HS3ST4: variants seen among roughly 807,000 people sequenced by gnomAD.
HS3ST4 encodes the protein heparan sulfate glucosamine 3-O-sulfotransferase 4.
A neutral mutation model predicts 29.2 loss-of-function variants in HS3ST4; 17 were observed. The observed-to-expected ratio is 0.58, with a 90% confidence interval of 0.40 to 0.87. HS3ST4 has a LOEUF of 0.87. Among genes scored for constraint, HS3ST4 ranks in the 40% least tolerant of loss-of-function variants. The probability of loss-of-function intolerance (pLI) is 0.00; values close to 1 mark genes in which losing one functional copy is unlikely to be tolerated. For missense variants in HS3ST4, 627 were observed against 634.5 expected (o/e 0.99, Z 0.13); for synonymous variants, 314 against 285.7 (o/e 1.10, Z -1.00).
At chr16:25,808,661 T>G (rs1380897139) in intron 1 of HS3ST4, among the ~76,000 whole-genome samples, 1 of 152,176 alleles carries the variant, frequency 6.6e-6, no homozygotes, top group East Asian at 1.9e-4. Flanking sequence ...CTTGTGCAGT[T>G]TTTGATAGAA....
intron 1 of HS3ST4, among the ~76,000 whole-genome samples, chr16:25,999,018 AT>A (rs1379821015): frequency 6.6e-6 from 1 of 152,052 alleles, no homozygotes; most frequent in Non-Finnish European, 1.5e-5. Context: ...ATCCTTTCTC[AT>A]TTTTTTGTAA....
chr16:25,985,015 G>A (rs1969048352), intron 1 of HS3ST4, among the ~76,000 whole-genome samples: 1 of 152,190 alleles, frequency 6.6e-6, no homozygotes, highest in Non-Finnish European at 1.5e-5. Context: ...CCATCTTATG[G>A]TAGAAGTAGA....
At chr16:25,999,859 ATATAT>A (rs1430145573) in intron 1 of HS3ST4, among the ~76,000 whole-genome samples, 5 of 133,164 alleles carry the variant, frequency 3.8e-5, no homozygotes, top group South Asian at 4.4e-4. Flanking sequence ...TATATTATAT[ATATAT>A]TATATATTTT....
chr16:25,750,269 A>G (rs991185257), intron 1 of HS3ST4, among the ~76,000 whole-genome samples: 3 of 152,158 alleles, frequency 2.0e-5, no homozygotes, highest in Non-Finnish European at 4.4e-5. Context: ...TTCTTAGAGC[A>G]GCTCAGAGCT....
intron 1 of HS3ST4, among the ~76,000 whole-genome samples, chr16:25,995,669 T>C (rs1387564794): frequency 6.6e-6 from 1 of 152,164 alleles, no homozygotes; most frequent in African/African-American, 2.4e-5. Context: ...AGATGAAATC[T>C]GAGTGTGGAA....
chr16:26,133,148 C>T (rs780411991), intron 1 of HS3ST4, among the ~76,000 whole-genome samples: 20 of 151,492 alleles, frequency 1.3e-4, no homozygotes, highest in Non-Finnish European at 2.4e-4. Context: ...TTTTTCCTTG[C>T]CCTTCTGTAA....
intron 1 of HS3ST4, among the ~76,000 whole-genome samples, chr16:25,796,290 C>T (rs550623512): frequency 6.6e-6 from 1 of 152,244 alleles, no homozygotes; most frequent in African/African-American, 2.4e-5. Flanking sequence ...GGTGAGCATC[C>T]CTTTCTTTTG....
At chr16:25,796,631 C>G (rs758068042) in intron 1 of HS3ST4, among the ~76,000 whole-genome samples, 1 of 152,060 alleles carries the variant, frequency 6.6e-6, no homozygotes, top group South Asian at 2.1e-4. Flanking sequence ...TGGCTTTGCT[C>G]GGGAAGGAAT....
At chr16:26,130,621 C>A (rs975966390) in intron 1 of HS3ST4, among the ~76,000 whole-genome samples, 26 of 152,274 alleles carry the variant, frequency 1.7e-4, no homozygotes, top group Admixed American at 1.7e-3. Context: ...AGGTAGTTAA[C>A]AAGGACTCTG....
intron 1 of HS3ST4, among the ~76,000 whole-genome samples, chr16:25,994,092 C>T (rs774431869): frequency 3.3e-5 from 5 of 150,560 alleles, no homozygotes; most frequent in Non-Finnish European, 7.4e-5. Context: ...CCCTCATGAC[C>T]TTATCTAAAT....
intron 1 of HS3ST4, among the ~76,000 whole-genome samples, chr16:26,038,770 G>A (rs1399382116): frequency 6.6e-6 from 1 of 151,894 alleles, no homozygotes; most frequent in Non-Finnish European, 1.5e-5. Context: ...TGCAAGCTCC[G>A]CCTCCCGGGT....
intron 1 of HS3ST4, among the ~76,000 whole-genome samples, chr16:25,798,068 A>C (rs1397242397): frequency 6.6e-6 from 1 of 152,106 alleles, no homozygotes; most frequent in East Asian, 1.9e-4. Context: ...CTGTCAGTCT[A>C]CTCCAGAGAG....
In HS3ST4 at chr16:26,135,502, T is replaced by G. The variant is rs1436263448; in HGVS notation, c.735-110T>G. The G allele has an allele frequency of 7.2e-5, 76 of 1,062,816 alleles. No individual in the cohort carries two copies. The East Asian group carries it at 1.4e-3, about 19-fold the overall frequency. 65.8% of individuals were successfully genotyped at this position (1,062,816 alleles called of 1,614,324 possible). ...AAGAACTTGCAAGAGTTTATCAATT[T>G]TATTTGGTGGTTCCAAACTAGGTTG... is the stretch of plus-strand genomic sequence containing the variant. On this transcript the variant is annotated intron_variant, in intron 1 of 1. Transcript: ENST00000331351.
intron 1 of HS3ST4, among the ~76,000 whole-genome samples, chr16:25,869,472 CT>C (rs1967727479): frequency 6.6e-6 from 1 of 152,072 alleles, no homozygotes. Flanking sequence ...TATTTGACCT[CT>C]TTTTGATTTT....
chr16:25,955,278 G>T (rs1050155464), intron 1 of HS3ST4, among the ~76,000 whole-genome samples: 2 of 152,170 alleles, frequency 1.3e-5, no homozygotes, highest in Non-Finnish European at 2.9e-5. Context: ...GCTGTAGAGG[G>T]TTATGGCACT....
chr16:25,783,157 T>TC (rs1360564620), intron 1 of HS3ST4, among the ~76,000 whole-genome samples: 30 of 152,316 alleles, frequency 2.0e-4, no homozygotes, highest in African/African-American at 7.0e-4. Flanking sequence ...TGCAAATATG[T>TC]CTGAAGATGT....
At chr16:25,795,690 C>G (rs904947211) in intron 1 of HS3ST4, among the ~76,000 whole-genome samples, 16 of 152,108 alleles carry the variant, frequency 1.1e-4, no homozygotes, top group African/African-American at 3.9e-4. Flanking sequence ...TATTATTGCC[C>G]TCCTGTGTGG....
At chr16:25,873,678 A>G (rs1037150430) in intron 1 of HS3ST4, among the ~76,000 whole-genome samples, 1 of 149,964 alleles carries the variant, frequency 6.7e-6, no homozygotes, top group Non-Finnish European at 1.5e-5. Flanking sequence ...CCATCCATCC[A>G]TCCATCCATC....
chr16:25,979,882 C>T (rs927314433), intron 1 of HS3ST4, among the ~76,000 whole-genome samples: 13 of 152,164 alleles, frequency 8.5e-5, no homozygotes, highest in African/African-American at 3.1e-4. Flanking sequence ...GTAATGCCAC[C>T]TACCCTGCTA....
Sources: gnomAD v4.1 joint callset for allele counts (sites outside exome capture counted in the v4.1 genomes callset) on GRCh38, gnomAD v4.1.1 for gene constraint, MANE v1.5 for transcripts, NCBI Gene and HGNC (gene_info 2026-07-23, HGNC 2026-07-21) for gene names.